VPS13D: variants seen among roughly 807,000 people sequenced by gnomAD.
The protein encoded by VPS13D is vacuolar protein sorting 13 homolog D.
VPS13D carries 187 observed loss-of-function variants against 461.9 expected under a neutral mutation model. The ratio of observed to expected loss-of-function variants is 0.40; its 90% CI spans 0.36 to 0.46. The LOEUF is 0.46. Ranked by LOEUF, VPS13D falls within the 20% of genes least tolerant of loss-of-function variation. The pLI is 0.60. For missense variants in VPS13D, 4,711 were observed against 5,364.9 expected, an observed-to-expected ratio of 0.88 and a Z score of 3.81; for synonymous variants, 1,951 against 1,986.3, an observed-to-expected ratio of 0.98 and a Z score of 0.47.
chr1:12,435,182 T>A (rs1287890178), intron 65 of VPS13D, among the ~76,000 whole-genome samples: 2 of 152,034 alleles, frequency 1.3e-5, no homozygotes, highest in African/African-American at 4.8e-5. Flanking sequence ...ATTTAGTAAC[T>A]GAATGGATAG....
chr1:12,346,562 A>G, intron 43 of VPS13D, 43 bp from the exon 44 acceptor site: 1 of 1,596,938 alleles, frequency 6.3e-7, no homozygotes, highest in Non-Finnish European at 8.5e-7. Flanking sequence ...GTTGCTAATT[A>G]TCTTAAGTCT....
At chr1:12,325,366 A>G (rs574289649) in intron 35 of VPS13D, among the ~76,000 whole-genome samples, 1 of 150,446 alleles carries the variant, frequency 6.6e-6, no homozygotes, top group African/African-American at 2.4e-5. Context: ...TTCAAGTGAT[A>G]CTCCTGCCTC....
chr1:12,449,815 T>A (rs1210757579), intron 65 of VPS13D, among the ~76,000 whole-genome samples: 1 of 152,184 alleles, frequency 6.6e-6, no homozygotes, highest in Non-Finnish European at 1.5e-5. Context: ...TTAATTATTC[T>A]CTTAACTCTT....
chr1:12,459,829 C>A (rs1033683449), intron 66 of VPS13D, among the ~76,000 whole-genome samples: 3 of 152,080 alleles, frequency 2.0e-5, no homozygotes, highest in Admixed American at 2.0e-4. Flanking sequence ...CCCGAAGGCC[C>A]AATTTTCTAG....
intron 24 of VPS13D, among the ~76,000 whole-genome samples, chr1:12,298,008 A>G (rs1179883498): frequency 1.3e-5 from 2 of 152,174 alleles, no homozygotes; most frequent in Admixed American, 6.5e-5. Flanking sequence ...GGATGCCTGT[A>G]TATATATAAA....
intron 13 of VPS13D, among the ~76,000 whole-genome samples, chr1:12,262,629 T>C (rs1461683442): frequency 6.6e-6 from 1 of 152,152 alleles, no homozygotes; most frequent in Non-Finnish European, 1.5e-5. Context: ...TGAGCACTTT[T>C]AAGGTGGGCT....
chr1:12,353,055 A>T (rs1177486554), intron 46 of VPS13D, among the ~76,000 whole-genome samples: 2 of 151,428 alleles, frequency 1.3e-5, no homozygotes, highest in African/African-American at 4.9e-5. Context: ...ATATGTCCAA[A>T]AAATACTTGT....
rs531641126 is a variant in VPS13D, at chr1:12,433,919, A to AGAGAGAGAGAGT, written c.12333+17104_12333+17115dup. ...AAAGAGGAGGAGGTAGGGGGTGGGG[A>AGAGAGAGAGAGT]GAGAGAGAGAGTGAGAGAGAGAGAG... is the stretch of plus-strand genomic sequence containing the variant. On this transcript the variant is annotated intron_variant, in intron 65 of 69. Coordinates refer to ENST00000620676, the MANE Select transcript of VPS13D (RefSeq NM_015378.4). Among the ~76,000 whole-genome samples the AGAGAGAGAGAGT allele has an allele frequency of 1.5e-3, 225 of 148,716 alleles. 2 individuals are homozygous for AGAGAGAGAGAGT. Among genetic ancestry groups the AGAGAGAGAGAGT allele is most frequent in the Non-Finnish European group, 3.1e-3 (207 of 67,222 alleles).
intron 65 of VPS13D, among the ~76,000 whole-genome samples, chr1:12,448,768 T>G (rs1645225303): frequency 6.6e-6 from 1 of 152,250 alleles, no homozygotes; most frequent in Non-Finnish European, 1.5e-5. Context: ...TATAGCATAC[T>G]CCACCAATCC....
intron 67 of VPS13D, among the ~76,000 whole-genome samples, chr1:12,463,734 A>G (rs1385842051): frequency 1.3e-5 from 2 of 149,524 alleles, no homozygotes; most frequent in Non-Finnish European, 3.0e-5. Flanking sequence ...CAGCCTGGGC[A>G]ACAGTGAGAC....
rs1334895442 is a variant in VPS13D, at chr1:12,295,237, AAAAC to A, written c.6033+1537_6033+1540del. Among the ~76,000 whole-genome samples, 3 of 137,878 alleles carry A rather than the reference AAAAC, an allele frequency of 2.2e-5. No individual in the cohort carries two copies. In the East Asian group the frequency reaches 5.8e-4, roughly 27 times the overall value. The allele number at this position is 137,878 out of a possible 152,430, so 90.5% of individuals were successfully genotyped here. ...CACCATGACTCAAAAAAAAAAAAAA[AAAAC>A]AAAACTTTATTAGGTAAAAGATTAT... On this transcript the variant is annotated intron_variant, in intron 24 of 69. Transcript: ENST00000620676.
In VPS13D at chr1:12,276,125, C is replaced by A. The variant is rs137927165; in HGVS notation, c.2537C>A (p.Thr846Lys). 6.2e-7 allele frequency: 1 copy of A among 1,613,966 alleles called. No individual in the cohort carries two copies. The highest frequency in any genetic ancestry group is 1.3e-5 in the African/African-American group (1 of 74,884). ...GTCCAGGATATTGACGTGGGACCAA[C>A]ACATGTGGTAGAGAAGTTCAACGTT... ...KHVQDIDVGP[T>K]HVVEKFNVHL... The change falls in exon 19 of 70, where the codon ACA (threonine) becomes AAA (lysine). Residue 846 changes from threonine (T) to lysine (K), a missense_variant. Thr to Lys is a moderately conservative substitution (Grantham distance 78). Transcript: ENST00000620676. This position sits in a 1 kb window ranked among gnomAD's most constrained non-coding sequence, Gnocchi z 4.5.
chr1:12,269,721 C>T (rs1234433319), intron 16 of VPS13D, among the ~76,000 whole-genome samples: 1 of 152,156 alleles, frequency 6.6e-6, no homozygotes, highest in Non-Finnish European at 1.5e-5. Context: ...ATTTATAAAA[C>T]AATAGTATTT....
chr1:12,385,424 A>G (rs752541066), intron 59 of VPS13D, 51 bp downstream of exon 59: 2 of 1,477,110 alleles, frequency 1.4e-6, no homozygotes, highest in Admixed American at 2.0e-5. Flanking sequence ...GTTTTTTAGA[A>G]TTTTACTTGG....
chr1:12,470,366 A>C (rs544138731), intron 67 of VPS13D, among the ~76,000 whole-genome samples: 1 of 152,210 alleles, frequency 6.6e-6, no homozygotes, highest in Non-Finnish European at 1.5e-5. Flanking sequence ...AATAACTGGC[A>C]CCTGCCCACC....
At chr1:12,493,952 G>C (rs995253808) in intron 67 of VPS13D, among the ~76,000 whole-genome samples, 3 of 152,148 alleles carry the variant, frequency 2.0e-5, no homozygotes, top group Admixed American at 2.0e-4. Flanking sequence ...ATACAGGAGT[G>C]GGGGGAAAAT....
In VPS13D at chr1:12,489,960, A is replaced by G. The variant is rs542703483; in HGVS notation, c.12663-7540A>G. Among the ~76,000 whole-genome samples the G allele has an allele frequency of 1.2e-3, 178 of 152,258 alleles. 1 individual carries two copies. The highest frequency in any genetic ancestry group is 2.2e-3 in the Non-Finnish European group (151 of 68,012). ...TCCAGAGCCGATCCTCTCAGCCATT[A>G]TATTATGCTGCCTACTCTAGTGCTC... On this transcript the variant is annotated intron_variant, in intron 67 of 69. Transcript: ENST00000620676.
intron 6 of VPS13D, 57 bp from the exon 7 acceptor site, chr1:12,253,665 T>C: frequency 7.6e-7 from 1 of 1,324,274 alleles, no homozygotes; most frequent in Non-Finnish European, 1.1e-6. Flanking sequence ...GTTGAATGAA[T>C]GACATTCACG....
At chr1:12,467,999 G>A (rs911076211) in intron 67 of VPS13D, among the ~76,000 whole-genome samples, 3 of 151,994 alleles carry the variant, frequency 2.0e-5, no homozygotes, top group African/African-American at 7.2e-5. Flanking sequence ...GCAGGTCCTT[G>A]TGCAAAGAAA....
Sources: gnomAD v4.1 joint callset for allele counts (sites outside exome capture counted in the v4.1 genomes callset) on GRCh38, gnomAD v4.1.1 for gene constraint, Gnocchi (gnomAD v3.1) non-coding constraint, MANE v1.5 for transcripts, NCBI Gene and HGNC (gene_info 2026-07-23, HGNC 2026-07-21) for gene names.